Variants in NXNL2 observed in about 807,000 individuals in gnomAD.
NXNL2 encodes the protein nucleoredoxin-like protein 2.
A neutral mutation model predicts 11.1 loss-of-function variants in NXNL2; 7 were observed. The ratio of observed to expected loss-of-function variants is 0.63; its 90% CI spans 0.36 to 1.18. The LOEUF is 1.18. Among genes scored for constraint, NXNL2 ranks in the 50% most tolerant of loss-of-function variants. The pLI is 0.02. For missense variants in NXNL2, 233 were observed against 217.7 expected, an observed-to-expected ratio of 1.07 and a Z score of -0.44; for synonymous variants, 109 against 101.8, an observed-to-expected ratio of 1.07 and a Z score of -0.42.
chr9:88,553,535 T>A (rs901655472), intron 1 of NXNL2, among the ~76,000 whole-genome samples: 7 of 152,164 alleles, frequency 4.6e-5, no homozygotes, highest in Non-Finnish European at 8.8e-5. Context: ...TGAATCTGCA[T>A]CGCTTTATTT....
At chr9:88,583,863 C>T (rs943263994) in intron 1 of NXNL2, 2 of 152,238 alleles carry the variant, frequency 1.3e-5, no homozygotes, top group African/African-American at 4.8e-5. Context: ...AGGCACTTGT[C>T]TGCAAGCCAG....
At chr9:88,564,285 T>TCTATC (rs1554706562) in intron 1 of NXNL2, among the ~76,000 whole-genome samples, 10 of 140,256 alleles carry the variant, frequency 7.1e-5, no homozygotes, top group South Asian at 2.4e-4. Flanking sequence ...TATCTATCTA[T>TCTATC]TATCTATCTA....
At chr9:88,582,548 G>T (rs946728704) in intron 1 of NXNL2, among the ~76,000 whole-genome samples, 6 of 152,128 alleles carry the variant, frequency 3.9e-5, no homozygotes, top group Non-Finnish European at 7.3e-5. Flanking sequence ...AGCACTATTT[G>T]CTGCATAGCA....
intron 1 of NXNL2, among the ~76,000 whole-genome samples, chr9:88,559,626 A>G (rs1337881932): frequency 1.3e-5 from 2 of 152,206 alleles, no homozygotes; most frequent in Non-Finnish European, 2.9e-5. Context: ...TCCCTGAGCT[A>G]GACTCTGAGC....
intron 1 of NXNL2, among the ~76,000 whole-genome samples, chr9:88,555,617 C>G (rs1483333597): frequency 6.6e-6 from 1 of 152,150 alleles, no homozygotes; most frequent in African/African-American, 2.4e-5. Flanking sequence ...GTTATATCTT[C>G]AGTGTGGAAT....
chr9:88,575,255 C>T (rs994100694), exon 3 of NXNL2: 29 of 691,038 alleles, frequency 4.2e-5, no homozygotes, highest in Admixed American at 6.3e-5. Flanking sequence ...GGTATATACC[C>T]GAAAGAAAGG....
downstream of NXNL2, among the ~76,000 whole-genome samples, chr9:88,577,927 T>C (rs1830365907): frequency 6.6e-6 from 1 of 152,178 alleles, no homozygotes; most frequent in African/African-American, 2.4e-5. Flanking sequence ...AAGAGCAGTG[T>C]CCTGCTGTGG....
chr9:88,564,285 T>TCTATCTATCTATTATC (rs1554706562), intron 1 of NXNL2, among the ~76,000 whole-genome samples: 81 of 140,246 alleles, frequency 5.8e-4, no homozygotes, highest in East Asian at 3.7e-3. Flanking sequence ...TATCTATCTA[T>TCTATCTATCTATTATC]TATCTATCTA....
intron 1 of NXNL2, among the ~76,000 whole-genome samples, chr9:88,542,583 C>T (rs906480264): frequency 1.3e-5 from 2 of 152,100 alleles, no homozygotes; most frequent in African/African-American, 2.4e-5. Context: ...CCACCCGCAC[C>T]CGGCCCCAAA....
At chr9:88,545,233 A>G (rs895624122), downstream of NXNL2, among the ~76,000 whole-genome samples, 1 of 152,232 alleles carries the variant, frequency 6.6e-6, no homozygotes, top group Non-Finnish European at 1.5e-5. Context: ...GTTACCTAAA[A>G]GTTAATAATC....
downstream of NXNL2, among the ~76,000 whole-genome samples, chr9:88,576,712 A>G (rs1830352566): frequency 1.3e-5 from 2 of 152,120 alleles, no homozygotes; most frequent in Admixed American, 6.5e-5. Context: ...CAGCCCCTCA[A>G]AGGGAAAGGG....
intron 1 of NXNL2, among the ~76,000 whole-genome samples, chr9:88,536,848 C>G (rs2118388377): frequency 6.6e-6 from 1 of 152,278 alleles, no homozygotes; most frequent in Non-Finnish European, 1.5e-5. Context: ...TCACTCACAC[C>G]GGGACTCTGA....
chr9:88,543,351 C>T (rs866123371), intron 1 of NXNL2, among the ~76,000 whole-genome samples: 13 of 151,940 alleles, frequency 8.6e-5, no homozygotes, highest in Middle Eastern at 6.8e-3. Flanking sequence ...ACTGCAGCCT[C>T]GACCTCCTGG....
chr9:88,538,902 G>C (rs1829689057), intron 1 of NXNL2, among the ~76,000 whole-genome samples: 1 of 149,296 alleles, frequency 6.7e-6, no homozygotes, highest in Non-Finnish European at 1.5e-5. Context: ...CCGAGGTGCA[G>C]GAGGTTAACT....
At chr9:88,550,051 C>T (rs143978833) in intron 1 of NXNL2, among the ~76,000 whole-genome samples, 11 of 152,208 alleles carry the variant, frequency 7.2e-5, no homozygotes, top group African/African-American at 2.4e-4. Flanking sequence ...CTCCTGACCT[C>T]AGGTAATCTG....
intron 1 of NXNL2, among the ~76,000 whole-genome samples, chr9:88,561,394 C>T: frequency 6.6e-6 from 1 of 152,138 alleles, no homozygotes; most frequent in South Asian, 2.1e-4. Context: ...TAAATTAATA[C>T]TTAATAAACT....
At position 88,544,492 on chromosome 9, in the gene NXNL2, C is replaced by T. The variant is rs371921367; in HGVS notation, c.416C>T (p.Ala139Val). 14 of 1,551,138 alleles carry T rather than the reference C, an allele frequency of 9.0e-6. No individual in the cohort carries two copies. In the East Asian group the frequency reaches 3.4e-4, roughly 38 times the overall value. Reference sequence around the variant, plus strand: ...AAGCAGATCCGGGAACGGGGGTTGGCCTGCTTCCAGGACTGGGTGGAGGCG... The same window carrying T: ...AAGCAGATCCGGGAACGGGGGTTGGTCTGCTTCCAGGACTGGGTGGAGGCG... ...GRKQIRERGL[A>V]CFQDWVEAAD... The change falls in exon 2 of 2, where the codon GCC becomes GTC. Residue 139 changes from alanine (A) to valine (V), a missense_variant. Physicochemically the swap from Ala to Val is moderately conservative, Grantham distance 64. Transcript: ENST00000375854.
chr9:88,573,026 T>C (rs1830295727), intron 2 of NXNL2, among the ~76,000 whole-genome samples: 2 of 152,232 alleles, frequency 1.3e-5, no homozygotes, highest in African/African-American at 4.8e-5. Context: ...CCAATTAATA[T>C]TGCCTGAAGG....
intron 1 of NXNL2, among the ~76,000 whole-genome samples, chr9:88,582,251 G>C (rs1830416006): frequency 6.6e-6 from 1 of 152,144 alleles, no homozygotes; most frequent in Non-Finnish European, 1.5e-5. Flanking sequence ...GGCCGAGGTG[G>C]GCGGATCACG....
Sources: gnomAD v4.1 joint callset for allele counts (sites outside exome capture counted in the v4.1 genomes callset) on GRCh38, gnomAD v4.1.1 for gene constraint, MANE v1.5 for transcripts, NCBI Gene and HGNC (gene_info 2026-07-23, HGNC 2026-07-21) for gene names.